LARGE1: variants seen among roughly 807,000 people sequenced by gnomAD.
LARGE1 encodes xylosyl- and glucuronyltransferase LARGE1.
Under a neutral mutation model 87.6 loss-of-function variants are expected in LARGE1, and 43 were observed. That is an observed-to-expected ratio of 0.49 (90% CI 0.38 to 0.63). The LOEUF (loss-of-function observed/expected upper bound fraction) is 0.63. Among genes scored for constraint, LARGE1 ranks in the 30% least tolerant of loss-of-function variants. The pLI is 0.00. For missense variants in LARGE1, 802 were observed against 1,000.2 expected (o/e 0.80, Z 2.67); for synonymous variants, 434 against 394.6 (o/e 1.10, Z -1.18).
chr22:33,371,859 C>T (rs1371769693), intron 9 of LARGE1, among the ~76,000 whole-genome samples: 1 of 151,982 alleles, frequency 6.6e-6, no homozygotes, highest in Non-Finnish European at 1.5e-5. Flanking sequence ...TGGCGGGCGC[C>T]TGTAGTCCCA....
At chr22:33,372,034 G>T (rs980029498) in intron 9 of LARGE1, among the ~76,000 whole-genome samples, 1 of 151,490 alleles carries the variant, frequency 6.6e-6, no homozygotes, top group African/African-American at 2.4e-5. Context: ...AATGGAATGT[G>T]GAATAAATGT....
At chr22:33,708,199 C>T (rs534446144) in intron 2 of LARGE1, among the ~76,000 whole-genome samples, 33 of 152,062 alleles carry the variant, frequency 2.2e-4, no homozygotes, top group Non-Finnish European at 2.5e-4. Flanking sequence ...AGTCCAGCCT[C>T]CACGGACTGA....
chr22:33,279,645 A>C (rs1269628100), intron 13 of LARGE1, among the ~76,000 whole-genome samples: 5 of 152,218 alleles, frequency 3.3e-5, no homozygotes, highest in Non-Finnish European at 7.3e-5. Flanking sequence ...ACTTCCATCA[A>C]AACCAAAGCC....
At chr22:33,223,875 A>G (rs1925580114) in intron 11 of LARGE1, among the ~76,000 whole-genome samples, 1 of 152,194 alleles carries the variant, frequency 6.6e-6, no homozygotes, top group African/African-American at 2.4e-5. Context: ...GCTATAGGAC[A>G]GTCAGTCAAT....
At chr22:33,390,690 T>TG (rs2065485917) in intron 7 of LARGE1, among the ~76,000 whole-genome samples, 1 of 48,490 alleles carries the variant, frequency 2.1e-5, no homozygotes. Context: ...TTGTTGTGTG[T>TG]TTTTTTTTTT....
chr22:33,472,703 T>C (rs552843826), intron 6 of LARGE1, among the ~76,000 whole-genome samples: 1 of 152,332 alleles, frequency 6.6e-6, no homozygotes, highest in East Asian at 1.9e-4. Flanking sequence ...CTAAACCACA[T>C]TTTACATTTA....
intron 6 of LARGE1, among the ~76,000 whole-genome samples, chr22:33,530,973 G>T (rs1195992615): frequency 6.6e-6 from 1 of 152,148 alleles, no homozygotes; most frequent in Non-Finnish European, 1.5e-5. Context: ...ATTCAATGTG[G>T]ACAGGGCACT....
chr22:33,098,654 T>C, the LARGE1 span, among the ~76,000 whole-genome samples: 1 of 152,036 alleles, frequency 6.6e-6, no homozygotes, highest in Non-Finnish European at 1.5e-5. Context: ...AAAAATATAG[T>C]ATGTTTTTGG....
intron 12 of LARGE1, among the ~76,000 whole-genome samples, chr22:33,294,417 T>C (rs1372601974): frequency 6.6e-6 from 1 of 152,146 alleles, no homozygotes; most frequent in African/African-American, 2.4e-5. Flanking sequence ...GTGGTTCTCA[T>C]ACAAGTTCCC....
chr22:33,550,085 T>C (rs2077478737), intron 6 of LARGE1, among the ~76,000 whole-genome samples: 1 of 151,804 alleles, frequency 6.6e-6, no homozygotes, highest in Admixed American at 6.6e-5. Context: ...ACACAGCACA[T>C]GTATACATAT....
chr22:33,421,479 T>C (rs2066695663), intron 7 of LARGE1, among the ~76,000 whole-genome samples: 2 of 152,156 alleles, frequency 1.3e-5, no homozygotes, highest in African/African-American at 2.4e-5. Context: ...AGTCTCTTAA[T>C]AGCAAAAATA....
chr22:33,849,199 A>G (rs1306669816), intron 1 of LARGE1, among the ~76,000 whole-genome samples: 2 of 152,198 alleles, frequency 1.3e-5, no homozygotes, highest in Non-Finnish European at 2.9e-5. Flanking sequence ...TCACCCCAGG[A>G]TAAGACGCTG....
chr22:33,084,949 C>T, the LARGE1 span, among the ~76,000 whole-genome samples: 49 of 152,216 alleles, frequency 3.2e-4, no homozygotes, highest in Non-Finnish European at 5.0e-4. Context: ...AATATTTTAT[C>T]TATATTTAGA....
At chr22:33,609,944 C>G (rs2149004198) in intron 4 of LARGE1, among the ~76,000 whole-genome samples, 1 of 152,158 alleles carries the variant, frequency 6.6e-6, no homozygotes, top group East Asian at 1.9e-4. Flanking sequence ...TGCTCCCACT[C>G]TCCTCTTGCA....
chr22:33,258,414 C>T (rs1602159319), intron 11 of LARGE1, among the ~76,000 whole-genome samples: 3 of 152,232 alleles, frequency 2.0e-5, no homozygotes, highest in African/African-American at 4.8e-5. Flanking sequence ...GAGCAAAGGC[C>T]ATTTTAGGCA....
At chr22:33,611,543 T>C (rs573898720) in intron 4 of LARGE1, among the ~76,000 whole-genome samples, 1 of 152,326 alleles carries the variant, frequency 6.6e-6, no homozygotes, top group African/African-American at 2.4e-5. Flanking sequence ...CATTGCATCT[T>C]GGAAGTAAAT....
rs117031189 is a variant in LARGE1 at position 33,451,305 on chromosome 22, G to A, written c.788-19040C>T. 9.6e-3 allele frequency among the ~76,000 whole-genome samples: 1,460 copies of A among 152,056 alleles called. 8 individuals are homozygous for A. Among genetic ancestry groups the A allele is most frequent in the Non-Finnish European group, 0.015 (1,025 of 67,988 alleles). ...AGAGGGAACACATTTGTCTATATGC[G>A]CGTAGGTGACCACCAAGAAAAGAAC... is the stretch of plus-strand genomic sequence containing the variant. On this transcript the variant is annotated intron_variant, in intron 6 of 14. Coordinates refer to ENST00000397394, the MANE Select transcript of LARGE1 (RefSeq NM_133642.5).
At chr22:33,784,986 T>C (rs374440561) in intron 1 of LARGE1, among the ~76,000 whole-genome samples, 2 of 150,720 alleles carry the variant, frequency 1.3e-5, no homozygotes, top group East Asian at 3.9e-4. Flanking sequence ...TACATACATA[T>C]GTGTACGTGT....
intron 2 of LARGE1, among the ~76,000 whole-genome samples, chr22:33,736,460 C>T (rs151124695): frequency 6.6e-6 from 1 of 152,092 alleles, no homozygotes; most frequent in African/African-American, 2.4e-5. Flanking sequence ...TATTCAAATC[C>T]ATCACTCAAT....
Sources: gnomAD v4.1 joint callset for allele counts (sites outside exome capture counted in the v4.1 genomes callset) on GRCh38, gnomAD v4.1.1 for gene constraint, MANE v1.5 for transcripts, NCBI Gene and HGNC (gene_info 2026-07-23, HGNC 2026-07-21) for gene names.